ARSD: variants seen among roughly 807,000 people sequenced by gnomAD.
The protein encoded by ARSD is testis tissue sperm-binding protein Li 39a.
A neutral mutation model predicts 32.6 loss-of-function variants in ARSD; 21 were observed. The observed-to-expected ratio is 0.64, with a 90% CI of 0.46 to 0.93. The LOEUF (loss-of-function observed/expected upper bound fraction) is 0.93, where lower values mean the gene tolerates loss of function less well. ARSD is among the 40% of genes least tolerant of loss of function. The probability of loss-of-function intolerance (pLI) is 0.00; values close to 1 mark genes in which losing one functional copy is unlikely to be tolerated. For synonymous variants in ARSD, 224 were observed against 237.4 expected, an observed-to-expected ratio of 0.94 and a Z score of 0.52; for missense variants, 454 against 520.9, an observed-to-expected ratio of 0.87 and a Z score of 1.25.
At position 2,917,978 on chromosome X, in the gene ARSD, A is replaced by T. The variant is rs777758021; in HGVS notation, c.689T>A (p.Val230Asp). Reference sequence around the variant, plus strand: ...GCAGCCCACGCCGGCCATGCCGGTGACTGCTCTCGCGGAGACAGAGAAGAA... The same window carrying T: ...GCAGCCCACGCCGGCCATGCCGGTGTCTGCTCTCGCGGAGACAGAGAAGAA... ...CGFFSVSARAVTGMAGVGCLF... is the reference protein window; with the variant it reads ...CGFFSVSARADTGMAGVGCLF... The change falls in exon 5 of 10, where the codon GTC (valine) becomes GAC (aspartate). Residue 230 changes from valine (V) to aspartate (D), a missense_variant. Transcript: ENST00000381154. 8.3e-7 allele frequency: 1 copy of T among 1,211,235 alleles called. No individual in the cohort carries two copies. Among genetic ancestry groups the T allele is most frequent in the Non-Finnish European group, 1.1e-6 (1 of 895,098 alleles).
chrX:2,918,809 T>C (rs192428828), intron 4 of ARSD, among the ~76,000 whole-genome samples: 2,304 of 111,130 alleles, frequency 0.021, 58 homozygotes, highest in African/African-American at 0.071. Context: ...AAATCCACCC[T>C]CAGAGTAGGA....
intron 5 of ARSD, among the ~76,000 whole-genome samples, chrX:2,917,325 C>G (rs2088971660): frequency 9.0e-6 from 1 of 110,773 alleles, no homozygotes; most frequent in Non-Finnish European, 1.9e-5. Flanking sequence ...ACATCCACTT[C>G]GAGACTCTCA....
intron 9 of ARSD, 93 bp from the exon 10 acceptor site, chrX:2,907,725 C>A: frequency 9.4e-7 from 1 of 1,060,952 alleles, no homozygotes; most frequent in Non-Finnish European, 1.2e-6. Context: ...TCAGCATGAA[C>A]CTCCCTATTC....
chrX:2,914,235 CT>C (rs199564452), intron 6 of ARSD: 7,345 of 522,536 alleles, frequency 0.014, no homozygotes, highest in Non-Finnish European at 0.015. Context: ...TCTTTTATTT[CT>C]TTTTTTTTTT....
rs2088985984 is a variant in ARSD at position 2,918,026 on chromosome X, AG to A, written c.640del (p.Leu214TrpfsTer45). The A allele has an allele frequency of 8.3e-7, 1 of 1,206,255 alleles. No individual in the cohort carries two copies. Among genetic ancestry groups the A allele is most frequent in the East Asian group, 3.0e-5 (1 of 33,509 alleles). On this transcript the variant is annotated frameshift_variant, in exon 5 of 10. Coordinates refer to ENST00000381154, the MANE Select transcript of ARSD (RefSeq NM_001669.4). LOFTEE classifies it high-confidence loss of function. The part of the protein sequence containing the change: ...TQFLALGILT[L>X]AAGQTCGFFS... ...GAAACCGCAGGTCTGGCCGGCAGCC[AG>A]GGTGAGAATCCCCAGCGCCAGGAAC...
chrX:2,927,199 C>T (rs923739234), intron 1 of ARSD, among the ~76,000 whole-genome samples: 1 of 108,261 alleles, frequency 9.2e-6, no homozygotes, highest in Admixed American at 9.9e-5. Flanking sequence ...CTTTCCATGC[C>T]GACTTCCTAG....
At chrX:2,917,712 C>T (rs777377387) in intron 5 of ARSD, 92 bp downstream of exon 5, 4 of 931,442 alleles carry the variant, frequency 4.3e-6, no homozygotes, top group Non-Finnish European at 5.8e-6. Context: ...GCTAAAAGAT[C>T]CTCCCATCTT....
Position 2,905,639 on chromosome X carries a change from T to C in ARSD, c.*1632A>G, listed in dbSNP as rs977406024. The C allele has an allele frequency of 8.9e-6, 1 of 112,987 alleles. No homozygotes were observed. The highest frequency in any genetic ancestry group is 1.9e-5 in the Non-Finnish European group (1 of 53,462). The allele number at this position is 112,987 out of a possible 1,213,427, so 9.3% of individuals were successfully genotyped here. On this transcript the variant is annotated 3_prime_UTR_variant, in exon 10 of 10. Transcript: ENST00000381154. ...GCATCTTCTGTGCCTCTGAGGATCATTTTCCAATTATAGGCAATGGTAGTA... is the reference window on the plus strand; with the variant it reads ...GCATCTTCTGTGCCTCTGAGGATCACTTTCCAATTATAGGCAATGGTAGTA...
chrX:2,910,621 GGTCGAATGCATATGT>G, intron 7 of ARSD, 23 bp downstream of exon 7: 2 of 1,208,786 alleles, frequency 1.7e-6, no homozygotes, highest in South Asian at 3.5e-5. Flanking sequence ...GCAGATATTT[GGTCGAATGCATATGT>G]GTCCCCGATG....
chrX:2,924,551 T>C (rs1055363164), intron 2 of ARSD, among the ~76,000 whole-genome samples: 1 of 113,355 alleles, frequency 8.8e-6, no homozygotes, highest in Non-Finnish European at 1.9e-5. Context: ...TCAAGCGCTC[T>C]GCTGGTAAGG....
Position 2,915,236 on chromosome X carries a change from C to G in ARSD, c.1000+320G>C, listed in dbSNP as rs147037427. Among the ~76,000 whole-genome samples, 591 of 111,303 alleles carry G rather than the reference C, an allele frequency of 5.3e-3. 3 individuals are homozygous for G. The highest frequency in any genetic ancestry group is 0.018 in the African/African-American group (564 of 30,615). ...GTGGTGCGATCTCAACTCACTGCAA[C>G]CTCTGCCTCCCGTGTTAAAGCGATT... On this transcript the variant is annotated intron_variant, in intron 6 of 9. Transcript: ENST00000381154.
At chrX:2,922,842 C>CAAAAAA (rs60380048) in intron 2 of ARSD, among the ~76,000 whole-genome samples, 75 of 43,700 alleles carry the variant, frequency 1.7e-3, no homozygotes, top group Non-Finnish European at 2.2e-3. Context: ...GACCGTGTCT[C>CAAAAAA]AAAAAAAAAA....
chrX:2,908,208 C>T (rs2088868853), intron 9 of ARSD, among the ~76,000 whole-genome samples: 1 of 109,897 alleles, frequency 9.1e-6, no homozygotes, highest in East Asian at 2.8e-4. Context: ...TCTATTCATC[C>T]ATCCATGAAC....
At chrX:2,908,948 G>C in intron 8 of ARSD, 106 bp from the exon 9 acceptor site, 13 of 1,080,646 alleles carry the variant, frequency 1.2e-5, no homozygotes, top group Non-Finnish European at 1.6e-5. Flanking sequence ...CCAGCAAATG[G>C]AGCAGAGATG....
At chrX:2,928,822 A>G (rs778230633) in intron 1 of ARSD, among the ~76,000 whole-genome samples, 1 of 111,450 alleles carries the variant, frequency 9.0e-6, no homozygotes, top group South Asian at 3.8e-4. Flanking sequence ...GAGCCTTTGA[A>G]GGCCGAATCC....
intron 3 of ARSD, among the ~76,000 whole-genome samples, chrX:2,921,482 TCTAG>T (rs922201723): frequency 7.1e-5 from 8 of 112,084 alleles, no homozygotes; most frequent in African/African-American, 2.6e-4. Flanking sequence ...CATCTAGATA[TCTAG>T]CTATCAATCA....
At chrX:2,927,554 A>G (rs1477815256) in intron 1 of ARSD, among the ~76,000 whole-genome samples, 1 of 111,937 alleles carries the variant, frequency 8.9e-6, no homozygotes, top group African/African-American at 3.2e-5. Flanking sequence ...CGGCCTCCCA[A>G]AGTGCTGGGA....
rs770239789 is a variant in ARSD, at chrX:2,927,812, C to G, written c.44+1420G>C. On this transcript the variant is annotated intron_variant, in intron 1 of 9. Coordinates refer to ENST00000381154, the MANE Select transcript of ARSD (RefSeq NM_001669.4). ...AGGAGTGTGACCTTTGTAACTTCAC[C>G]CTTTGGTTGGCTGCTGCCTGCAACC... Among the ~76,000 whole-genome samples, 525 of 111,018 alleles carry G rather than the reference C, an allele frequency of 4.7e-3. 4 individuals carry two copies. Among genetic ancestry groups the G allele is most frequent in the African/African-American group, 0.015 (451 of 30,527 alleles).
rs2088976089 is a variant in ARSD, at chrX:2,917,661, C to T, written c.863+143G>A. On this transcript the variant is annotated intron_variant, in intron 5 of 9. Transcript: ENST00000381154. ...GCTAATGATTTTATTTATTGTAGAA[C>T]CTGTCTTCCTATGTTGCCCAAGCTA... 5.5e-6 allele frequency: 3 copies of T among 543,191 alleles called. No homozygotes were observed. The South Asian group carries it at 1.0e-4, about 19-fold the overall frequency. The allele number at this position is 543,191 out of a possible 1,213,427, so 44.8% of individuals were successfully genotyped here. A position where few individuals can be genotyped will look rare whatever the true frequency, so the allele number is the denominator to read the frequency against.
Sources: gnomAD v4.1 joint callset for allele counts (sites outside exome capture counted in the v4.1 genomes callset) on GRCh38, gnomAD v4.1.1 for gene constraint, MANE v1.5 for transcripts, NCBI Gene and HGNC (gene_info 2026-07-23, HGNC 2026-07-21) for gene names.